Variants in FBRSL1 observed in about 807,000 individuals in gnomAD.
The protein encoded by FBRSL1 is fibrosin-1-like protein.
Under a neutral mutation model 89.6 loss-of-function variants are expected in FBRSL1, and 51 were observed. The observed-to-expected ratio is 0.57, with a 90% confidence interval of 0.45 to 0.72. The LOEUF (loss-of-function observed/expected upper bound fraction) is 0.72, where lower values mean the gene tolerates loss of function less well. FBRSL1 is among the 30% of genes least tolerant of loss of function. The pLI is 0.00. For missense variants in FBRSL1, 1,618 were observed against 1,451.8 expected (o/e 1.11, Z -1.86); for synonymous variants, 779 against 681.1 (o/e 1.14, Z -2.24).
chr12:132,517,476 C>G (rs1320795260), intron 2 of FBRSL1, among the ~76,000 whole-genome samples: 1 of 152,272 alleles, frequency 6.6e-6, no homozygotes, highest in Non-Finnish European at 1.5e-5. Context: ...CGCCCCTGTT[C>G]TGGGCCTGGG....
rs545926692 is a variant in FBRSL1, at chr12:132,570,288, G to A, written c.1007+47G>A. On this transcript the variant is annotated intron_variant, in intron 7 of 18. Transcript: ENST00000680143. ...GGGCCTGTGTGGTCTCAGGATGGGG[G>A]CTCTGCAGGGGTCGGGCTGGCAGGC... The A allele has an allele frequency of 8.0e-4, 1,209 of 1,512,670 alleles. 7 individuals carry two copies. In the African/African-American group the frequency reaches 0.012, roughly 16 times the overall value. 93.7% of individuals were successfully genotyped at this position (1,512,670 alleles called of 1,614,324 possible).
intron 4 of FBRSL1, among the ~76,000 whole-genome samples, chr12:132,537,607 G>A (rs898820379): frequency 2.6e-5 from 4 of 152,210 alleles, no homozygotes; most frequent in African/African-American, 7.2e-5. Flanking sequence ...CATGTCTGAT[G>A]GAATGTTCTG....
At position 132,547,200 on chromosome 12, in the gene FBRSL1, G is replaced by A. The variant is rs544393113; in HGVS notation, c.616-803G>A. 9.6e-4 allele frequency among the ~76,000 whole-genome samples: 145 copies of A among 150,582 alleles called. 1 individual carries two copies. Among genetic ancestry groups the A allele is most frequent in the African/African-American group, 3.1e-3 (127 of 41,084 alleles). Reference sequence around the variant, plus strand: ...TCGTAGGGCTCTGCTTACTGAAAACGGAGAACGGACAGTCAGTGTGTTCTT... The same window carrying A: ...TCGTAGGGCTCTGCTTACTGAAAACAGAGAACGGACAGTCAGTGTGTTCTT... On this transcript the variant is annotated intron_variant, in intron 4 of 18. Transcript: ENST00000680143.
chr12:132,536,957 T>C (rs771951799), intron 4 of FBRSL1, among the ~76,000 whole-genome samples: 8 of 152,222 alleles, frequency 5.3e-5, no homozygotes, highest in Non-Finnish European at 1.2e-4. Flanking sequence ...GCCTGTGTGG[T>C]AACGATCACA....
In FBRSL1 at chr12:132,583,026, G is replaced by T; in HGVS notation, c.2257G>T (p.Gly753Cys). 6.9e-7 allele frequency: 1 copy of T among 1,457,036 alleles called. No individual in the cohort carries two copies. The allele number at this position is 1,457,036 out of a possible 1,614,324, so 90.3% of individuals were successfully genotyped here. Residue 753 changes from glycine (G) to cysteine (C), a missense_variant, in exon 19 of 19, where the codon GGC becomes TGC. Coordinates refer to ENST00000680143, the MANE Select transcript of FBRSL1 (RefSeq NM_001367871.1). The part of the protein sequence containing the change: ...LSRASPATPA[G>C]HPVSGLLLRA... ...CCGGGCCTCGCCCGCCACCCCCGCT[G>T]GCCACCCCGTCAGCGGCCTCCTGCT...
In FBRSL1 at chr12:132,575,251, G is replaced by A. The variant is rs563856322; in HGVS notation, c.1701+687G>A. On this transcript the variant is annotated intron_variant, in intron 14 of 18. Transcript: ENST00000680143. ...GTATGTCTTTCTTTTTTTTTGAGAC[G>A]GAGTCTCGCTCTGTCGCCCAGGCTG... Among the ~76,000 whole-genome samples, 60 of 152,190 alleles carry A rather than the reference G, an allele frequency of 3.9e-4. No homozygotes were observed. The South Asian group carries it at 1.0e-2, about 25-fold the overall frequency.
At chr12:132,501,846 C>T (rs1411612612) in intron 1 of FBRSL1, among the ~76,000 whole-genome samples, 1 of 152,214 alleles carries the variant, frequency 6.6e-6, no homozygotes, top group Non-Finnish European at 1.5e-5. Flanking sequence ...GGCTCCTCTC[C>T]TTCCTTCGAC....
Position 132,583,176 on chromosome 12 carries a change from C to T in FBRSL1, c.2407C>T (p.Pro803Ser). Residue 803 changes from proline to serine, a missense_variant, in exon 19 of 19, where the codon CCC becomes TCC. Pro to Ser is a moderately conservative substitution (Grantham distance 74). Transcript: ENST00000680143. ...AAKMPARASP[P>S]HSKAAPGDVK... ...CAAGATGCCCGCGCGCGCATCCCCG[C>T]CCCACAGCAAGGCGGCCCCTGGAGA... 6.2e-6 allele frequency: 9 copies of T among 1,455,308 alleles called. No individual in the cohort carries two copies. The South Asian group carries it at 1.0e-4, about 17-fold the overall frequency. The allele number at this position is 1,455,308 out of a possible 1,614,324, so 90.1% of individuals were successfully genotyped here. A position where few individuals can be genotyped will look rare whatever the true frequency, so the allele number is the denominator to read the frequency against.
Position 132,564,526 on chromosome 12 carries a change from C to G in FBRSL1, c.646-2955C>G, listed in dbSNP as rs141323965. On this transcript the variant is annotated intron_variant, in intron 5 of 18. Coordinates refer to ENST00000680143, the MANE Select transcript of FBRSL1 (RefSeq NM_001367871.1). ...GGTTTTTTTTTTTGAGACGGAGTCT[C>G]GCTCTGTCGCCCAGGCTGGAGTCCA... 2.4e-3 allele frequency among the ~76,000 whole-genome samples: 352 copies of G among 149,548 alleles called. 3 individuals carry two copies. The highest frequency in any genetic ancestry group is 8.1e-3 in the African/African-American group (330 of 40,688).
chr12:132,526,304 G>A (rs1012897307), intron 3 of FBRSL1, among the ~76,000 whole-genome samples: 3 of 152,210 alleles, frequency 2.0e-5, no homozygotes, highest in Non-Finnish European at 4.4e-5. Context: ...TCATTTAAAT[G>A]AAGGCCTCAC....
intron 14 of FBRSL1, among the ~76,000 whole-genome samples, chr12:132,576,033 C>T (rs1036202271): frequency 5.9e-5 from 9 of 152,100 alleles, no homozygotes; most frequent in South Asian, 4.2e-4. Context: ...CGCCTGGCAG[C>T]GTGGGCACCT....
intron 1 of FBRSL1, among the ~76,000 whole-genome samples, chr12:132,496,599 C>T (rs2032074906): frequency 6.6e-6 from 1 of 152,228 alleles, no homozygotes; most frequent in Non-Finnish European, 1.5e-5. Context: ...GCCCTGCTGG[C>T]GTCTGCACAT....
intron 11 of FBRSL1, among the ~76,000 whole-genome samples, chr12:132,572,985 T>A (rs2040141465): frequency 6.6e-6 from 1 of 152,092 alleles, no homozygotes; most frequent in Non-Finnish European, 1.5e-5. Flanking sequence ...TACGGGGCCA[T>A]CCACACTGCG....
chr12:132,551,117 C>A, intron 5 of FBRSL1: 1 of 341,796 alleles, frequency 2.9e-6, no homozygotes, highest in South Asian at 2.3e-5. Context: ...AGGGACAGAG[C>A]CCTGCAGGCT....
Position 132,490,810 on chromosome 12 carries a change from G to C in FBRSL1, c.240G>C (p.Glu80Asp). Residue 80 changes from glutamate (E) to aspartate (D), a missense_variant, in exon 1 of 19, where the codon GAG becomes GAC. Glu to Asp is a conservative substitution (Grantham distance 45). Transcript: ENST00000680143. ...GCGAGTCCAGCTCGCAGGAGGAGGA[G>C]GTCATCGACGGCTTCGCCATCGCCA... The part of the protein sequence containing the change: ...RRRESSSQEE[E>D]VIDGFAIASF... The C allele has an allele frequency of 7.1e-7, 1 of 1,401,212 alleles. No homozygotes were observed. The highest frequency in any genetic ancestry group is 9.3e-7 in the Non-Finnish European group (1 of 1,072,536). The allele number at this position is 1,401,212 out of a possible 1,614,324, so 86.8% of individuals were successfully genotyped here.
rs1172930698 is a variant in FBRSL1 at position 132,525,762 on chromosome 12, A to G, written c.518A>G (p.Asp173Gly). The stretch of plus-strand genomic sequence containing the variant: ...AAGGTCACCGTGTCCAAAGGGGGCG[A>G]CCGGGACAGTGACGACGACAGCGTC... ...QMKVTVSKGG[D>G]RDSDDDSVLE... The change falls in exon 3 of 19, where the codon GAC (aspartate) becomes GGC (glycine). Residue 173 changes from aspartate (D) to glycine (G), a missense_variant. By Grantham distance (94) the Asp-to-Gly change is moderately conservative. Transcript: ENST00000680143. 3.2e-6 allele frequency: 5 copies of G among 1,549,810 alleles called. No individual in the cohort carries two copies. In the African/African-American group the frequency reaches 6.8e-5, roughly 21 times the overall value.
At chr12:132,536,988 G>A (rs2036817441) in intron 4 of FBRSL1, among the ~76,000 whole-genome samples, 1 of 152,206 alleles carries the variant, frequency 6.6e-6, no homozygotes, top group Non-Finnish European at 1.5e-5. Flanking sequence ...GGGCTCTGCA[G>A]GCACTCGGGG....
At chr12:132,581,564 A>G (rs2040750655) in intron 16 of FBRSL1, 48 bp downstream of exon 16, 1 of 1,544,076 alleles carries the variant, frequency 6.5e-7, no homozygotes, top group African/African-American at 1.4e-5. Context: ...GTTCCTCAGC[A>G]GCCTTGTGGC....
At chr12:132,523,652 TC>T (rs1260990514) in intron 2 of FBRSL1, among the ~76,000 whole-genome samples, 3 of 152,186 alleles carry the variant, frequency 2.0e-5, no homozygotes, top group African/African-American at 7.2e-5. Context: ...TGGCAGCCTT[TC>T]CCATCGCTGC....
Sources: allele counts gnomAD v4.1 joint callset (sites outside exome capture counted in the v4.1 genomes callset), GRCh38; gene constraint gnomAD v4.1.1; transcripts MANE v1.5; gene names NCBI Gene and HGNC (gene_info 2026-07-23, HGNC 2026-07-21).